The following PPP3R1 variants were observed in gnomAD, a reference collection of about 807,000 sequenced individuals.
PPP3R1 encodes calcineurin subunit B type 1.
PPP3R1 carries 5 observed loss-of-function variants against 22.6 expected under a neutral mutation model. The observed-to-expected ratio is 0.22, with a 90% CI of 0.12 to 0.46. The LOEUF is 0.46. Among genes scored for constraint, PPP3R1 ranks in the 20% least tolerant of loss-of-function variants. The probability of loss-of-function intolerance (pLI) is 0.99; values close to 1 mark genes in which losing one functional copy is unlikely to be tolerated. For synonymous variants in PPP3R1, 56 were observed against 65.2 expected (o/e 0.86, Z 0.68); for missense variants, 61 against 203.2 (o/e 0.30, Z 4.25).
rs569448506 is a variant in PPP3R1, at chr2:68,223,588, G to GA, written c.4-6458dup. On this transcript the variant is annotated intron_variant, in intron 1 of 5. Transcript: ENST00000234310. ...ACAACATTAACAGAGGAAAAAAAAA[G>GA]AAAAAAACCACATGGCCAACCAAAC... Among the ~76,000 whole-genome samples, 50 of 151,612 alleles carry GA rather than the reference G, an allele frequency of 3.3e-4. No individual in the cohort carries two copies. In the East Asian group the frequency reaches 8.9e-3, roughly 27 times the overall value.
At chr2:68,237,637 CAGA>C (rs1208890308) in intron 1 of PPP3R1, among the ~76,000 whole-genome samples, 1 of 152,012 alleles carries the variant, frequency 6.6e-6, no homozygotes, top group African/African-American at 2.4e-5. Context: ...GCAGAGTAGC[CAGA>C]AGAAATCTAG....
intron 1 of PPP3R1, among the ~76,000 whole-genome samples, chr2:68,224,431 C>T (rs1192585402): frequency 3.3e-5 from 5 of 152,006 alleles, no homozygotes; most frequent in Admixed American, 1.3e-4. Flanking sequence ...GAGGCCGAGG[C>T]GAGTGGATCA....
intron 2 of PPP3R1, among the ~76,000 whole-genome samples, chr2:68,205,184 C>CCAGTTATTT (rs1020153455): frequency 2.0e-5 from 3 of 151,718 alleles, no homozygotes; most frequent in Non-Finnish European, 2.9e-5. Context: ...ATATCCCACC[C>CCAGTTATTT]CAGTTATTTC....
intron 1 of PPP3R1, among the ~76,000 whole-genome samples, chr2:68,244,129 C>T (rs958907726): frequency 3.3e-5 from 5 of 152,212 alleles, no homozygotes; most frequent in East Asian, 1.9e-4. Context: ...TCCTTAAAAG[C>T]TGAACTCAAA....
chr2:68,239,446 G>A (rs900280269), intron 1 of PPP3R1, among the ~76,000 whole-genome samples: 2 of 152,158 alleles, frequency 1.3e-5, no homozygotes, highest in African/African-American at 4.8e-5. Context: ...AAAAGTGCAT[G>A]GATAGACACT....
At chr2:68,190,177 G>A (rs1251331420) in intron 2 of PPP3R1, among the ~76,000 whole-genome samples, 2 of 144,976 alleles carry the variant, frequency 1.4e-5, no homozygotes, top group Non-Finnish European at 3.0e-5. Context: ...AGGAAGGAGA[G>A]TAGTATTGTC....
intron 2 of PPP3R1, among the ~76,000 whole-genome samples, chr2:68,200,177 G>A (rs1674946091): frequency 6.6e-6 from 1 of 152,054 alleles, no homozygotes; most frequent in African/African-American, 2.4e-5. Flanking sequence ...CTAAGGTATG[G>A]AACTTATTGG....
At chr2:68,202,959 T>C (rs1675017073) in intron 2 of PPP3R1, among the ~76,000 whole-genome samples, 1 of 151,990 alleles carries the variant, frequency 6.6e-6, no homozygotes, top group Non-Finnish European at 1.5e-5. Context: ...CCCACCACCA[T>C]ACCCGGCTAA....
At chr2:68,201,591 TGTTA>T (rs769108638) in intron 2 of PPP3R1, among the ~76,000 whole-genome samples, 94 of 152,354 alleles carry the variant, frequency 6.2e-4, no homozygotes, top group Non-Finnish European at 1.1e-3. Context: ...TTCACTGGTG[TGTTA>T]GTTAGGAATT....
chr2:68,185,106 C>G (rs1674506840), intron 5 of PPP3R1, among the ~76,000 whole-genome samples: 1 of 151,818 alleles, frequency 6.6e-6, no homozygotes, highest in South Asian at 2.1e-4. Flanking sequence ...GTAATCCCAG[C>G]TACTCAAGAG....
At chr2:68,230,253 A>G (rs1669870078) in intron 1 of PPP3R1, among the ~76,000 whole-genome samples, 2 of 152,102 alleles carry the variant, frequency 1.3e-5, no homozygotes, top group African/African-American at 4.8e-5. Flanking sequence ...TCAACCTTCC[A>G]AAGTGCTGGG....
In PPP3R1 at chr2:68,252,222, C is replaced by T. The variant is rs944494926; in HGVS notation, c.-95G>A. 32 of 1,169,308 alleles carry T rather than the reference C, an allele frequency of 2.7e-5. No homozygotes were observed. Among genetic ancestry groups the T allele is most frequent in the Non-Finnish European group, 3.3e-5 (31 of 928,250 alleles). The allele number at this position is 1,169,308 out of a possible 1,614,324, so 72.4% of individuals were successfully genotyped here. A position where few individuals can be genotyped will look rare whatever the true frequency, so the allele number is the denominator to read the frequency against. ...GGAAACGGCGGCGGCGGCCCAGCTG[C>T]GGCCCTCGGGTCGCCGGCGGGGAGG... On this transcript the variant is annotated 5_prime_UTR_variant, in exon 1 of 6. Transcript: ENST00000234310.
intron 2 of PPP3R1, among the ~76,000 whole-genome samples, chr2:68,192,973 C>T (rs1052632290): frequency 3.9e-5 from 6 of 152,150 alleles, no homozygotes; most frequent in African/African-American, 1.4e-4. Context: ...AGACACCTAT[C>T]AATTTTTCTC....
chr2:68,236,471 C>CTA (rs909256270), intron 1 of PPP3R1, among the ~76,000 whole-genome samples: 6 of 152,150 alleles, frequency 3.9e-5, no homozygotes, highest in African/African-American at 1.4e-4. Flanking sequence ...AAATGAACAG[C>CTA]TATGCTCCGC....
chr2:68,202,383 T>C (rs1674996786), intron 2 of PPP3R1, among the ~76,000 whole-genome samples: 1 of 149,762 alleles, frequency 6.7e-6, no homozygotes, highest in Admixed American at 6.7e-5. Flanking sequence ...ATAAAGCCAG[T>C]CCTTCCTTTT....
intron 2 of PPP3R1, among the ~76,000 whole-genome samples, chr2:68,189,726 G>A (rs911249088): frequency 1.1e-4 from 16 of 151,978 alleles, no homozygotes; most frequent in Non-Finnish European, 1.0e-4. Flanking sequence ...AAAATAAGCC[G>A]GGCATGGTGG....
At chr2:68,216,347 G>A (rs1195327480) in intron 2 of PPP3R1, among the ~76,000 whole-genome samples, 1 of 151,808 alleles carries the variant, frequency 6.6e-6, no homozygotes, top group Non-Finnish European at 1.5e-5. Flanking sequence ...TTAGAAAAAG[G>A]CTTTAGACAA....
At chr2:68,219,212 T>TCC (rs34273024) in intron 1 of PPP3R1, among the ~76,000 whole-genome samples, 10 of 152,116 alleles carry the variant, frequency 6.6e-5, no homozygotes, top group African/African-American at 2.4e-4. Flanking sequence ...TATCCTACAC[T>TCC]CCCCACTTTT....
intron 1 of PPP3R1, among the ~76,000 whole-genome samples, chr2:68,241,830 T>A (rs1439387356): frequency 1.0e-4 from 12 of 118,372 alleles, no homozygotes; most frequent in African/African-American, 4.1e-4. Context: ...GCCCACAGAG[T>A]AAGACTCCAT....
Sources: allele counts gnomAD v4.1 joint callset (sites outside exome capture counted in the v4.1 genomes callset), GRCh38; gene constraint gnomAD v4.1.1; transcripts MANE v1.5; gene names NCBI Gene and HGNC (gene_info 2026-07-23, HGNC 2026-07-21).